The following GTF2IRD1 variants were observed in gnomAD, a reference collection of about 807,000 sequenced individuals.
GTF2IRD1 encodes general transcription factor II-I repeat domain-containing protein 1.
A neutral mutation model predicts 113.2 loss-of-function variants in GTF2IRD1; 26 were observed. That is an observed-to-expected ratio of 0.23 (90% CI 0.17 to 0.32). GTF2IRD1 has a LOEUF of 0.32. GTF2IRD1 is among the 10% of genes least tolerant of loss of function. GTF2IRD1 has a pLI of 1.00. For missense variants in GTF2IRD1, 864 were observed against 1,280.8 expected, an observed-to-expected ratio of 0.67 and a Z score of 4.97; for synonymous variants, 484 against 529.1, an observed-to-expected ratio of 0.91 and a Z score of 1.17.
intron 25 of GTF2IRD1, chr7:74,595,865 T>C (rs1802379308): frequency 6.6e-6 from 1 of 152,354 alleles, no homozygotes. Flanking sequence ...CAGGCAGGCA[T>C]TGCCCGAGAC....
chr7:74,529,771 C>T lies in GTF2IRD1; in HGVS notation c.1128C>T (p.Pro376=), dbSNP rs1554348253. Residue 376 remains proline (P), a synonymous_variant, in exon 9 of 27, where the codon CCC becomes CCT. Coordinates refer to ENST00000424337, the MANE Select transcript of GTF2IRD1 (RefSeq NM_005685.4). Reference sequence around the variant, plus strand: ...GCCTGGACCACATGGTCCCCGTGCCCTACCGGAAGATTGCCTGTGACCCGG... The same window carrying T: ...GCCTGGACCACATGGTCCCCGTGCCTTACCGGAAGATTGCCTGTGACCCGG... ...ALGLDHMVPV[P]YRKIACDPEA... 6.2e-7 allele frequency: 1 copy of T among 1,614,110 alleles called. No individual in the cohort carries two copies. The highest frequency in any genetic ancestry group is 1.1e-5 in the South Asian group (1 of 91,082).
chr7:74,575,636 T>C (rs923952136), intron 22 of GTF2IRD1, among the ~76,000 whole-genome samples: 2 of 152,154 alleles, frequency 1.3e-5, no homozygotes, highest in African/African-American at 2.4e-5. Context: ...TGTGCTGATA[T>C]AAGCTGTGAG....
rs553003882 is a variant in GTF2IRD1, at chr7:74,490,334, C to G, written c.-6-17741C>G. 2.0e-5 allele frequency among the ~76,000 whole-genome samples: 3 copies of G among 152,214 alleles called. No individual in the cohort carries two copies. The East Asian group carries it at 5.8e-4, about 29-fold the overall frequency. On this transcript the variant is annotated intron_variant, in intron 1 of 26. Coordinates refer to ENST00000424337, the MANE Select transcript of GTF2IRD1 (RefSeq NM_005685.4). ...ACTGCGGCTGGGTGTAAGACCCCCT[C>G]CCGCTGCCCAGCCCAGAGCCTGGCC...
chr7:74,546,939 C>T (rs1798978467), intron 16 of GTF2IRD1, among the ~76,000 whole-genome samples, 164 bp from the exon 17 acceptor site: 1 of 152,162 alleles, frequency 6.6e-6, no homozygotes, highest in Non-Finnish European at 1.5e-5. Flanking sequence ...CTCCAGGTTC[C>T]TTTCCTGCAG....
chr7:74,513,105 T>A, intron 3 of GTF2IRD1, 134 bp downstream of exon 3: 1 of 822,130 alleles, frequency 1.2e-6, no homozygotes. Context: ...AGCTAGGTTG[T>A]CTGAGATTCC....
Position 74,572,990 on chromosome 7 carries a change from T to C in GTF2IRD1, c.2320+13335T>C, listed in dbSNP as rs587699869. Among the ~76,000 whole-genome samples, 6 of 152,124 alleles carry C rather than the reference T, an allele frequency of 3.9e-5. No individual in the cohort carries two copies. In the East Asian group the frequency reaches 9.7e-4, roughly 25 times the overall value. The stretch of plus-strand genomic sequence containing the variant: ...CAGAGTGGGCCATGAAATGATGGCA[T>C]GTTGGGGAGACCCTGCCCTTTTCTG... On this transcript the variant is annotated intron_variant, in intron 22 of 26. Coordinates refer to ENST00000424337, the MANE Select transcript of GTF2IRD1 (RefSeq NM_005685.4).
At chr7:74,565,722 C>T (rs149645394) in intron 22 of GTF2IRD1, among the ~76,000 whole-genome samples, 10 of 151,986 alleles carry the variant, frequency 6.6e-5, no homozygotes, top group African/African-American at 9.7e-5. Context: ...ATAATCCCAG[C>T]GCTTTGGGAG....
At chr7:74,589,798 T>G (rs1583971360) in intron 22 of GTF2IRD1, 53 bp from the exon 23 acceptor site, 1 of 1,090,010 alleles carries the variant, frequency 9.2e-7, no homozygotes, top group Non-Finnish European at 1.4e-6. Context: ...AAGCAGCAGG[T>G]CCAGTGGCTA....
At chr7:74,560,536 T>TTATATATAATTAAAAATATTA (rs1396459903) in intron 22 of GTF2IRD1, among the ~76,000 whole-genome samples, 1 of 146,876 alleles carries the variant, frequency 6.8e-6, no homozygotes, top group African/African-American at 2.5e-5. Context: ...AATTAAAATA[T>TTATATATAATTAAAAATATTA]TATATATAAT....
chr7:74,519,628 T>C lies in GTF2IRD1; in HGVS notation c.825T>C (p.Pro275=). ...HAIRELKQEA[P]SCPLAPSDLG... The stretch of plus-strand genomic sequence containing the variant: ...TCCGAGAGCTCAAGCAGGAAGCACC[T>C]TCCTGCCCCCTTGCCCCCAGCGACC... Residue 275 remains proline, a synonymous_variant, in exon 6 of 27, where the codon CCT becomes CCC. Coordinates refer to ENST00000424337, the MANE Select transcript of GTF2IRD1 (RefSeq NM_005685.4). 1.9e-6 allele frequency: 3 copies of C among 1,612,272 alleles called. No individual in the cohort carries two copies. Among genetic ancestry groups the C allele is most frequent in the Non-Finnish European group, 1.7e-6 (2 of 1,179,518 alleles).
intron 22 of GTF2IRD1, among the ~76,000 whole-genome samples, chr7:74,577,966 C>T (rs1554365027): frequency 6.6e-6 from 1 of 152,088 alleles, no homozygotes; most frequent in Non-Finnish European, 1.5e-5. Flanking sequence ...TGCCACTGTA[C>T]CAGCTACTTT....
intron 1 of GTF2IRD1, among the ~76,000 whole-genome samples, chr7:74,467,523 T>C (rs782560646): frequency 1.2e-4 from 18 of 151,238 alleles, no homozygotes; most frequent in Admixed American, 4.0e-4. Context: ...GTTGTTGAGA[T>C]AGAGTCTTGC....
Position 74,592,470 on chromosome 7 carries a change from C to T in GTF2IRD1, c.2591+1453C>T, listed in dbSNP as rs1293933191. On this transcript the variant is annotated intron_variant, in intron 24 of 26. Coordinates refer to ENST00000424337, the MANE Select transcript of GTF2IRD1 (RefSeq NM_005685.4). ...CTGGGCTCAAGCCATCCTCCCATGT[C>T]GGCCTTTCAAAGTGCTGGGATTATG... 2.6e-5 allele frequency among the ~76,000 whole-genome samples: 4 copies of T among 151,918 alleles called. No individual in the cohort carries two copies. In the East Asian group the frequency reaches 5.8e-4, roughly 22 times the overall value.
intron 8 of GTF2IRD1, among the ~76,000 whole-genome samples, chr7:74,528,954 G>A (rs1554347955): frequency 1.1e-5 from 1 of 95,182 alleles, no homozygotes; most frequent in Admixed American, 1.0e-4. Flanking sequence ...TGGATGGATG[G>A]ATGGATGGAT....
At chr7:74,471,701 A>AAAAAAAAAAAAC (rs1554332421) in intron 1 of GTF2IRD1, among the ~76,000 whole-genome samples, 2 of 134,708 alleles carry the variant, frequency 1.5e-5, no homozygotes, top group African/African-American at 2.8e-5. Flanking sequence ...AAAAAAAAAA[A>AAAAAAAAAAAAC]CAAAAAAAAC....
At chr7:74,552,357 A>T (rs1335160143) in intron 17 of GTF2IRD1, among the ~76,000 whole-genome samples, 2 of 152,066 alleles carry the variant, frequency 1.3e-5, no homozygotes, top group African/African-American at 4.8e-5. Flanking sequence ...CATTTCTAAA[A>T]ATTCAAAAAT....
At position 74,588,188 on chromosome 7, in the gene GTF2IRD1, A is replaced by G. The variant is rs587762550; in HGVS notation, c.2321-1663A>G. Among the ~76,000 whole-genome samples, 42 of 148,710 alleles carry G rather than the reference A, an allele frequency of 2.8e-4. No homozygotes were observed. In the South Asian group the frequency reaches 8.3e-3, roughly 29 times the overall value. On this transcript the variant is annotated intron_variant, in intron 22 of 26. Transcript: ENST00000424337. ...AGTGGCGCGATCTCAGCTCACTGCA[A>G]CCTCCGCCTCCTGGGTTCAAGCAGT... is the stretch of plus-strand genomic sequence containing the variant.
At chr7:74,559,076 C>T (rs782297400) in intron 21 of GTF2IRD1, 32 bp downstream of exon 21, 1 of 1,588,510 alleles carries the variant, frequency 6.3e-7, no homozygotes, top group South Asian at 1.1e-5. Flanking sequence ...GGTGAAGAGG[C>T]AGGACTAGCT....
intron 1 of GTF2IRD1, among the ~76,000 whole-genome samples, chr7:74,486,155 G>A (rs1795013165): frequency 6.6e-6 from 1 of 152,102 alleles, no homozygotes; most frequent in South Asian, 2.1e-4. Flanking sequence ...ATTTTTAGTA[G>A]AGATGTGGTT....
Sources: gnomAD v4.1 joint callset for allele counts (sites outside exome capture counted in the v4.1 genomes callset) on GRCh38, gnomAD v4.1.1 for gene constraint, MANE v1.5 for transcripts, NCBI Gene and HGNC (gene_info 2026-07-23, HGNC 2026-07-21) for gene names.